Variants in SH3RF3 observed in about 807,000 individuals in gnomAD.
SH3RF3 encodes SH3 domain containing ring finger 3.
In SH3RF3, 29 loss-of-function variants were observed where a neutral mutation model predicts 66.3. The ratio of observed to expected loss-of-function variants is 0.44; its 90% confidence interval spans 0.33 to 0.60. The LOEUF (loss-of-function observed/expected upper bound fraction) is 0.60, where lower values mean the gene tolerates loss of function less well. Among genes scored for constraint, SH3RF3 ranks in the 20% least tolerant of loss-of-function variants. The pLI is 0.04. For synonymous variants in SH3RF3, 583 were observed against 532.0 expected (o/e 1.10, Z -1.32); for missense variants, 1,194 against 1,190.9 (o/e 1.00, Z -0.04).
intron 5 of SH3RF3, among the ~76,000 whole-genome samples, chr2:109,422,868 C>T (rs959075243): frequency 6.6e-6 from 1 of 152,112 alleles, no homozygotes; most frequent in Non-Finnish European, 1.5e-5. Context: ...ATAGGGCTAC[C>T]CTGCAGGAGC....
intron 8 of SH3RF3, among the ~76,000 whole-genome samples, chr2:109,464,973 T>C (rs1288791801): frequency 1.3e-5 from 2 of 152,256 alleles, no homozygotes; most frequent in African/African-American, 4.8e-5. Flanking sequence ...TGCCTGTTGA[T>C]CACTCTTTCA....
rs1342600438 is a variant in SH3RF3, at chr2:109,432,524, A to G, written c.1427A>G (p.Lys476Arg). The G allele has an allele frequency of 1.2e-6, 2 of 1,613,592 alleles. No homozygotes were observed. The highest frequency in any genetic ancestry group is 3.3e-5 in the Admixed American group (2 of 59,988). ...LNVYLALYAYKPQKSDELELH... is the reference protein window; with the variant it reads ...LNVYLALYAYRPQKSDELELH... ...AGGTACCTGGCGCTCTACGCCTACA[A>G]GCCCCAGAAGAGTGACGAGCTGGAG... Residue 476 changes from lysine (K) to arginine (R), a missense_variant, in exon 6 of 10, where the codon AAG becomes AGG. Coordinates refer to ENST00000309415, the MANE Select transcript of SH3RF3 (RefSeq NM_001099289.3).
intron 1 of SH3RF3, among the ~76,000 whole-genome samples, chr2:109,330,654 TGATA>T (rs1233947236): frequency 1.3e-5 from 2 of 151,922 alleles, no homozygotes; most frequent in Admixed American, 1.3e-4. Context: ...AAGGGAGGGA[TGATA>T]GATTGAGGAG....
intron 1 of SH3RF3, among the ~76,000 whole-genome samples, chr2:109,297,661 C>G (rs1013251251): frequency 6.6e-6 from 1 of 151,470 alleles, no homozygotes; most frequent in African/African-American, 2.4e-5. Context: ...GTGTCCCCCA[C>G]CCTGGTCAGT....
At chr2:109,401,792 A>G (rs1483871306) in intron 4 of SH3RF3, among the ~76,000 whole-genome samples, 1 of 152,202 alleles carries the variant, frequency 6.6e-6, no homozygotes, top group Non-Finnish European at 1.5e-5. Flanking sequence ...TGTTAAAACA[A>G]GCAGAGGGAA....
chr2:109,356,104 G>A (rs1334760580), intron 2 of SH3RF3, among the ~76,000 whole-genome samples: 1 of 152,178 alleles, frequency 6.6e-6, no homozygotes, highest in African/African-American at 2.4e-5. Context: ...TATTGTGGGA[G>A]TTTGGGTTAG....
chr2:109,241,226 C>A (rs1238081475), intron 1 of SH3RF3, among the ~76,000 whole-genome samples: 2 of 149,804 alleles, frequency 1.3e-5, no homozygotes, highest in Admixed American at 6.7e-5. Flanking sequence ...GTTTGTTTGT[C>A]TCTTGACCTA....
At chr2:109,282,217 C>A (rs750244772) in intron 1 of SH3RF3, among the ~76,000 whole-genome samples, 5 of 152,102 alleles carry the variant, frequency 3.3e-5, no homozygotes, top group Non-Finnish European at 5.9e-5. Context: ...GGGGTTAAAC[C>A]TGCATCTTTC....
intron 1 of SH3RF3, among the ~76,000 whole-genome samples, chr2:109,213,309 A>G (rs1679035144): frequency 6.6e-6 from 1 of 152,164 alleles, no homozygotes; most frequent in Non-Finnish European, 1.5e-5. Flanking sequence ...CCATAGCATA[A>G]GGCTATGTGT....
At chr2:109,215,794 G>A (rs1255736989) in intron 1 of SH3RF3, among the ~76,000 whole-genome samples, 2 of 152,122 alleles carry the variant, frequency 1.3e-5, no homozygotes, top group Admixed American at 1.3e-4. Flanking sequence ...GGGATGAGCT[G>A]GGATTTGCCC....
intron 3 of SH3RF3, among the ~76,000 whole-genome samples, chr2:109,392,368 C>T (rs1676021827): frequency 6.6e-6 from 1 of 152,172 alleles, no homozygotes. Context: ...GAACAGGTCA[C>T]TTAACCTCTC....
chr2:109,482,768 T>C (rs1164056148), intron 8 of SH3RF3, among the ~76,000 whole-genome samples: 1 of 152,190 alleles, frequency 6.6e-6, no homozygotes, highest in East Asian at 1.9e-4. Flanking sequence ...GAACAACTGC[T>C]TCACCACTGA....
intron 1 of SH3RF3, among the ~76,000 whole-genome samples, chr2:109,236,165 T>C (rs1679644387): frequency 6.6e-6 from 1 of 152,200 alleles, no homozygotes; most frequent in South Asian, 2.1e-4. Flanking sequence ...GAACTCTTAA[T>C]CACTGCCAAA....
At chr2:109,347,261 C>A (rs149179117) in intron 1 of SH3RF3, among the ~76,000 whole-genome samples, 1 of 152,148 alleles carries the variant, frequency 6.6e-6, no homozygotes, top group Non-Finnish European at 1.5e-5. Context: ...TAAGAAATTC[C>A]GAGCCCAGAC....
chr2:109,470,717 A>T (rs776004721), intron 8 of SH3RF3, among the ~76,000 whole-genome samples: 1 of 152,224 alleles, frequency 6.6e-6, no homozygotes, highest in Non-Finnish European at 1.5e-5. Context: ...TAGCAGAGCC[A>T]GAGGTGCAGA....
At chr2:109,473,630 G>C (rs1247872633) in intron 8 of SH3RF3, among the ~76,000 whole-genome samples, 1 of 152,184 alleles carries the variant, frequency 6.6e-6, no homozygotes, top group African/African-American at 2.4e-5. Context: ...CAAGGTTCAA[G>C]GGGGAGGGAT....
chr2:109,289,341 G>GCA (rs111639294), intron 1 of SH3RF3, among the ~76,000 whole-genome samples: 5,661 of 152,208 alleles, frequency 0.037, 267 homozygotes, highest in African/African-American at 0.1. Flanking sequence ...CCACACAAAG[G>GCA]TCTTAGAAAC....
chr2:109,421,657 TC>T (rs1253731220), intron 5 of SH3RF3, among the ~76,000 whole-genome samples: 1 of 152,188 alleles, frequency 6.6e-6, no homozygotes, highest in African/African-American at 2.4e-5. Flanking sequence ...TCTGGGCTTC[TC>T]CCCCAGGGGA....
intron 1 of SH3RF3, among the ~76,000 whole-genome samples, chr2:109,178,219 T>C (rs1433155502): frequency 6.6e-6 from 1 of 152,234 alleles, no homozygotes; most frequent in Non-Finnish European, 1.5e-5. Context: ...TTTCATACAT[T>C]GCAGAGTCAT....
Sources: allele counts gnomAD v4.1 joint callset (sites outside exome capture counted in the v4.1 genomes callset), GRCh38; gene constraint gnomAD v4.1.1; transcripts MANE v1.5; gene names NCBI Gene and HGNC (gene_info 2026-07-23, HGNC 2026-07-21).